The following CDH4 variants were observed in gnomAD, a reference collection of about 807,000 sequenced individuals.
The protein encoded by CDH4 is cadherin 4.
CDH4 carries 33 observed loss-of-function variants against 86.0 expected under a neutral mutation model. The ratio of observed to expected loss-of-function variants is 0.38; its 90% CI spans 0.29 to 0.51. CDH4 has a LOEUF of 0.51. CDH4 is among the 20% of genes least tolerant of loss of function. The pLI is 0.86. For synonymous variants in CDH4, 555 were observed against 549.4 expected, an observed-to-expected ratio of 1.01 and a Z score of -0.14; for missense variants, 1,114 against 1,307.4, an observed-to-expected ratio of 0.85 and a Z score of 2.28.
At chr20:61,872,319 T>A (rs1174553930) in intron 6 of CDH4, among the ~76,000 whole-genome samples, 1 of 152,110 alleles carries the variant, frequency 6.6e-6, no homozygotes, top group Non-Finnish European at 1.5e-5. Context: ...CAGGGCCCCA[T>A]GACTCAGTCC....
At chr20:61,327,112 T>C (rs186307119) in intron 2 of CDH4, among the ~76,000 whole-genome samples, 10 of 152,294 alleles carry the variant, frequency 6.6e-5, no homozygotes, top group Admixed American at 5.2e-4. Context: ...GAGCATTGTG[T>C]GAAGTGGTCT....
Position 61,758,969 on chromosome 20 carries a change from G to A in CDH4, c.397-14034G>A, listed in dbSNP as rs181536174. Among the ~76,000 whole-genome samples, 255 of 151,770 alleles carry A rather than the reference G, an allele frequency of 1.7e-3. 3 individuals are homozygous for A. The highest frequency in any genetic ancestry group is 5.6e-3 in the African/African-American group (233 of 41,582). Reference sequence around the variant, plus strand: ...CATGTATATGAGTGTGCACATGTGCGCATGGGTGTGCACATGGGTGTGCAC... The same window carrying A: ...CATGTATATGAGTGTGCACATGTGCACATGGGTGTGCACATGGGTGTGCAC... On this transcript the variant is annotated intron_variant, in intron 3 of 15. Transcript: ENST00000614565.
At chr20:61,621,587 G>A (rs994921872) in intron 2 of CDH4, among the ~76,000 whole-genome samples, 3 of 152,152 alleles carry the variant, frequency 2.0e-5, no homozygotes, top group African/African-American at 7.2e-5. Flanking sequence ...AACATCGCTG[G>A]CTCGTACGAA....
rs190061303 is a variant in CDH4, at chr20:61,806,373, G to A, written c.576+33191G>A. Among the ~76,000 whole-genome samples the A allele has an allele frequency of 2.8e-4, 43 of 152,310 alleles. No homozygotes were observed. In the East Asian group the frequency reaches 7.9e-3, roughly 28 times the overall value. On this transcript the variant is annotated intron_variant, in intron 4 of 15. Transcript: ENST00000614565. ...GAGACCAGGCACCACCACCTCCCACGGGGTTAGGAACACACGGGGAGGACC... is the reference window on the plus strand; with the variant it reads ...GAGACCAGGCACCACCACCTCCCACAGGGTTAGGAACACACGGGGAGGACC...
intron 2 of CDH4, among the ~76,000 whole-genome samples, chr20:61,361,612 G>T (rs1400183702): frequency 6.6e-6 from 1 of 152,184 alleles, no homozygotes; most frequent in East Asian, 1.9e-4. Context: ...GTCGTGCGTG[G>T]AGGAGCCCGG....
chr20:61,788,899 C>T (rs1979019525), intron 4 of CDH4, among the ~76,000 whole-genome samples: 1 of 152,220 alleles, frequency 6.6e-6, no homozygotes, highest in South Asian at 2.1e-4. Flanking sequence ...CTATAGAAGA[C>T]AGCAGAAAAT....
intron 2 of CDH4, among the ~76,000 whole-genome samples, chr20:61,735,861 G>A (rs914543707): frequency 2.6e-5 from 4 of 152,142 alleles, no homozygotes; most frequent in African/African-American, 9.7e-5. Flanking sequence ...CTTCTGCCTC[G>A]GGGGCTGTGA....
At chr20:61,896,006 A>T (rs1007599361) in intron 8 of CDH4, among the ~76,000 whole-genome samples, 1 of 152,118 alleles carries the variant, frequency 6.6e-6, no homozygotes, top group African/African-American at 2.4e-5. Context: ...AGATGCCAGG[A>T]TCTCAGGGTC....
intron 2 of CDH4, among the ~76,000 whole-genome samples, chr20:61,680,165 G>C (rs1407740059): frequency 6.6e-6 from 1 of 152,170 alleles, no homozygotes; most frequent in Non-Finnish European, 1.5e-5. Context: ...ACCTCCCCAG[G>C]ACCAGGGGCT....
Position 61,395,424 on chromosome 20 carries a change from G to A in CDH4, c.169+140487G>A, listed in dbSNP as rs541638857. ...ACATGCATATATATGGCATTAATACGTACATGGCATTATTAATAACGTATA... is the reference window on the plus strand; with the variant it reads ...ACATGCATATATATGGCATTAATACATACATGGCATTATTAATAACGTATA... On this transcript the variant is annotated intron_variant, in intron 2 of 15. Transcript: ENST00000614565. 1.5e-3 allele frequency among the ~76,000 whole-genome samples: 233 copies of A among 152,108 alleles called. 2 individuals carry two copies. The highest frequency in any genetic ancestry group is 4.4e-3 in the African/African-American group (184 of 41,480).
intron 2 of CDH4, among the ~76,000 whole-genome samples, chr20:61,367,733 C>T (rs1028900902): frequency 2.6e-5 from 4 of 152,120 alleles, no homozygotes; most frequent in African/African-American, 9.7e-5. Context: ...GAGAAAATCA[C>T]CATTTGACAA....
chr20:61,375,567 GGCGCTGGTGGTGGTCATA>G (rs2084862808), intron 2 of CDH4, among the ~76,000 whole-genome samples: 2 of 147,854 alleles, frequency 1.4e-5, no homozygotes, highest in African/African-American at 5.1e-5. Flanking sequence ...TGATGATGGT[GGCGCTGGTGGTGGTCATA>G]GCACTGGTGG....
chr20:61,414,518 G>C (rs2085136250), intron 2 of CDH4, among the ~76,000 whole-genome samples: 1 of 152,212 alleles, frequency 6.6e-6, no homozygotes, highest in Admixed American at 6.5e-5. Context: ...TTGCCGACCA[G>C]CTCCCGGCAA....
chr20:61,900,548 A>G (rs1985347344), intron 8 of CDH4, among the ~76,000 whole-genome samples: 1 of 152,212 alleles, frequency 6.6e-6, no homozygotes, highest in East Asian at 1.9e-4. Flanking sequence ...GCAGGGACCA[A>G]CAGGACACAG....
intron 2 of CDH4, among the ~76,000 whole-genome samples, chr20:61,407,448 G>C (rs1243465342): frequency 1.3e-5 from 2 of 152,178 alleles, no homozygotes; most frequent in Non-Finnish European, 2.9e-5. Flanking sequence ...CCAAGCACTT[G>C]CAACTCTGGG....
intron 6 of CDH4, among the ~76,000 whole-genome samples, chr20:61,861,277 G>A (rs760671110): frequency 1.3e-5 from 2 of 152,160 alleles, no homozygotes; most frequent in East Asian, 1.9e-4. Context: ...ACAGAAATGC[G>A]GCCGGCGGCA....
intron 2 of CDH4, chr20:61,436,997 G>C (rs767226021): frequency 6.6e-6 from 1 of 152,330 alleles, no homozygotes; most frequent in Non-Finnish European, 1.5e-5. Context: ...CCCCTCCTGC[G>C]TCCTAGCACC....
chr20:61,572,088 T>C (rs2252809), intron 2 of CDH4, among the ~76,000 whole-genome samples: 117,774 of 151,870 alleles, frequency 0.78, 45,786 homozygotes, highest in African/African-American at 0.81. Flanking sequence ...CCAGAGTTTT[T>C]ATCCTGAGGG....
chr20:61,705,318 C>G (rs369026582), intron 2 of CDH4, among the ~76,000 whole-genome samples: 1 of 152,196 alleles, frequency 6.6e-6, no homozygotes, highest in Non-Finnish European at 1.5e-5. Context: ...TTCCACCTGG[C>G]GGGGGAGATG....
Sources: allele counts gnomAD v4.1 joint callset (sites outside exome capture counted in the v4.1 genomes callset), GRCh38; gene constraint gnomAD v4.1.1; transcripts MANE v1.5; gene names NCBI Gene and HGNC (gene_info 2026-07-23, HGNC 2026-07-21).